The following CUX1 variants were observed in gnomAD, a reference collection of about 807,000 sequenced individuals.
CUX1 encodes cut like homeobox 1.
In CUX1, 31 loss-of-function variants were observed where a neutral mutation model predicts 158.8. The observed-to-expected ratio is 0.20, with a 90% CI of 0.15 to 0.26. CUX1 has a LOEUF of 0.26. CUX1 is among the 10% of genes least tolerant of loss of function. The probability of loss-of-function intolerance (pLI) is 1.00; values close to 1 mark genes in which losing one functional copy is unlikely to be tolerated. For missense variants in CUX1, 1,589 were observed against 2,014.6 expected, an observed-to-expected ratio of 0.79 and a Z score of 4.04; for synonymous variants, 879 against 862.1, an observed-to-expected ratio of 1.02 and a Z score of -0.34.
intron 2 of CUX1, among the ~76,000 whole-genome samples, chr7:101,934,595 CT>C: frequency 6.6e-6 from 1 of 152,264 alleles, no homozygotes; most frequent in Admixed American, 6.5e-5. Context: ...GGTTTTGCAG[CT>C]TTTGGTAGAC....
At chr7:101,834,679 A>T (rs1176249357) in intron 1 of CUX1, among the ~76,000 whole-genome samples, 2 of 152,114 alleles carry the variant, frequency 1.3e-5, no homozygotes, top group African/African-American at 2.4e-5. Context: ...ACTTTTTTTT[A>T]AAGCTAAAAT....
intron 8 of CUX1, among the ~76,000 whole-genome samples, chr7:102,132,472 C>T (rs1711746257): frequency 6.6e-6 from 1 of 151,790 alleles, no homozygotes; most frequent in African/African-American, 2.4e-5. Context: ...GTAACTTCCC[C>T]CTTCCCTATA....
In CUX1 at chr7:102,097,352, C is replaced by T. The variant is rs781951661; in HGVS notation, c.269-12C>T. The T allele has an allele frequency of 4.4e-6, 7 of 1,601,182 alleles. No individual in the cohort carries two copies. The highest frequency in any genetic ancestry group is 6.0e-6 in the Non-Finnish European group (7 of 1,176,382). The stretch of plus-strand genomic sequence containing the variant: ...GGCCGAGTGGGGTGATGGCTGTTTT[C>T]CTGTTGTGCAGATCCCGTACCAGCT... On this transcript the variant is annotated splice_polypyrimidine_tract_variant and intron_variant, in intron 4 of 23. Transcript: ENST00000292535.
At chr7:102,054,051 A>C (rs1585437886) in intron 3 of CUX1, among the ~76,000 whole-genome samples, 1 of 151,992 alleles carries the variant, frequency 6.6e-6, no homozygotes, top group South Asian at 2.1e-4. Context: ...CAGGTGATCC[A>C]CCTGCCTCAG....
chr7:102,098,285 C>G (rs1247931279), intron 5 of CUX1, among the ~76,000 whole-genome samples: 1 of 152,208 alleles, frequency 6.6e-6, no homozygotes, highest in African/African-American at 2.4e-5. Flanking sequence ...TTCCTAGTGG[C>G]CTTCCATTGA....
At chr7:102,233,969 G>A in intron 21 of CUX1, 83 bp from the exon 22 acceptor site, 1 of 1,188,486 alleles carries the variant, frequency 8.4e-7, no homozygotes, top group Admixed American at 3.0e-5. Flanking sequence ...TCCTGTGTCT[G>A]ATTTTAACCT....
chr7:101,999,214 T>C (rs1307403930), intron 2 of CUX1, among the ~76,000 whole-genome samples: 1 of 133,872 alleles, frequency 7.5e-6, no homozygotes, highest in Non-Finnish European at 1.6e-5. Context: ...AACTTTTTTT[T>C]ACCTTTTTTT....
At chr7:102,046,856 C>T (rs1219152727) in intron 3 of CUX1, among the ~76,000 whole-genome samples, 1 of 152,116 alleles carries the variant, frequency 6.6e-6, no homozygotes, top group Non-Finnish European at 1.5e-5. Flanking sequence ...GTTGGGATTA[C>T]AGGCATGAGC....
chr7:102,216,604 A>ACACACACTCCCACACACACACT (rs1554524722), intron 20 of CUX1, among the ~76,000 whole-genome samples: 23 of 64,894 alleles, frequency 3.5e-4, no homozygotes, highest in African/African-American at 1.1e-3. Flanking sequence ...ACTCCCACAC[A>ACACACACTCCCACACACACACT]CACACACACA....
intron 1 of CUX1, among the ~76,000 whole-genome samples, chr7:101,828,968 T>C (rs1348343969): frequency 4.3e-5 from 3 of 70,366 alleles, no homozygotes; most frequent in Admixed American, 1.7e-4. Flanking sequence ...TTTGGGGGGC[T>C]GGTGGGAGGG....
chr7:102,258,758 T>TG (rs1408067210), downstream of CUX1, among the ~76,000 whole-genome samples: 1 of 152,156 alleles, frequency 6.6e-6, no homozygotes, highest in Non-Finnish European at 1.5e-5. Flanking sequence ...GCCTTCTGTG[T>TG]GGGGGTCTCA....
At chr7:102,136,874 A>G (rs1481381815) in intron 8 of CUX1, among the ~76,000 whole-genome samples, 2 of 152,206 alleles carry the variant, frequency 1.3e-5, no homozygotes, top group Non-Finnish European at 1.5e-5. Context: ...CCTCTGTTGT[A>G]AATGAGACAG....
At chr7:101,893,404 C>T (rs184608536) in intron 1 of CUX1, among the ~76,000 whole-genome samples, 39 of 152,148 alleles carry the variant, frequency 2.6e-4, no homozygotes, top group East Asian at 2.5e-3. Flanking sequence ...CAAAACTGCA[C>T]GTGAAAGATT....
chr7:101,979,124 C>T (rs758849633), intron 2 of CUX1, among the ~76,000 whole-genome samples: 1 of 152,178 alleles, frequency 6.6e-6, no homozygotes, highest in Non-Finnish European at 1.5e-5. Context: ...GCAAGCAGTG[C>T]AGATGTAGGC....
chr7:101,969,615 G>A (rs1811691358), intron 2 of CUX1, among the ~76,000 whole-genome samples: 2 of 152,116 alleles, frequency 1.3e-5, no homozygotes, highest in African/African-American at 2.4e-5. Flanking sequence ...CGGTCGAAGG[G>A]AACTTAAGAT....
chr7:101,924,812 C>A lies in CUX1; in HGVS notation c.141+8587C>A, dbSNP rs541486001. ...CTGATCTCGAACTCCTGGGCTCAAG[C>A]GATCCTCCCACCTCAGCCTCCCAAA... On this transcript the variant is annotated intron_variant, in intron 2 of 23. Transcript: ENST00000292535. 2.6e-5 allele frequency among the ~76,000 whole-genome samples: 4 copies of A among 150,962 alleles called. No individual in the cohort carries two copies. In the South Asian group the frequency reaches 6.3e-4, roughly 24 times the overall value.
chr7:102,150,212 G>A (rs1396166286), intron 8 of CUX1, among the ~76,000 whole-genome samples: 2 of 152,160 alleles, frequency 1.3e-5, no homozygotes, highest in Non-Finnish European at 2.9e-5. Flanking sequence ...CTGGAGTGCA[G>A]TGGCACGATC....
At chr7:102,067,543 TA>T (rs1671626413) in intron 3 of CUX1, among the ~76,000 whole-genome samples, 1 of 150,904 alleles carries the variant, frequency 6.6e-6, no homozygotes, top group Admixed American at 6.6e-5. Flanking sequence ...ACCACAACTC[TA>T]TTTTTTTTTT....
chr7:101,832,283 G>T (rs1172744150), intron 1 of CUX1, among the ~76,000 whole-genome samples: 2 of 152,176 alleles, frequency 1.3e-5, no homozygotes. Flanking sequence ...GAGAGATGGG[G>T]CTGGGTGAGT....
Sources: gnomAD v4.1 joint callset for allele counts (sites outside exome capture counted in the v4.1 genomes callset) on GRCh38, gnomAD v4.1.1 for gene constraint, MANE v1.5 for transcripts, NCBI Gene and HGNC (gene_info 2026-07-23, HGNC 2026-07-21) for gene names.